SH2D1A: variants seen among roughly 807,000 people sequenced by gnomAD.
SH2D1A encodes SH2 domain containing 1A, also known as SH2 domain-containing protein 1A.
SH2D1A carries 6 observed loss-of-function variants against 10.1 expected under a neutral mutation model. That is an observed-to-expected ratio of 0.60 (90% CI 0.33 to 1.18). SH2D1A has a LOEUF of 1.18. SH2D1A is among the 50% of genes most tolerant of loss of function. The pLI, the probability that SH2D1A is intolerant of heterozygous loss-of-function variation, is 0.04. For synonymous variants in SH2D1A, 42 were observed against 36.9 expected (o/e 1.14, Z -0.51); for missense variants, 51 against 97.6 (o/e 0.52, Z 2.01).
rs766537112 is a variant in SH2D1A, at chrX:124,363,724, T to C, written c.138-2037T>C. 1.3e-4 allele frequency among the ~76,000 whole-genome samples: 14 copies of C among 108,205 alleles called. No homozygotes were observed. In the East Asian group the frequency reaches 3.8e-3, roughly 29 times the overall value. The allele number at this position is 108,205 out of a possible 115,157, so 94.0% of individuals were successfully genotyped here. On this transcript the variant is annotated intron_variant, in intron 1 of 3. Transcript: ENST00000371139. ...GCCTGACCAATATGGTGAAATTCTG[T>C]CTCTACTAAAAATACAAAAATTAGC...
rs2060052675 is a variant in SH2D1A at position 124,365,796 on chromosome X, A to G, written c.173A>G (p.Gln58Arg). 3.4e-6 allele frequency: 4 copies of G among 1,175,392 alleles called. No individual in the cohort carries two copies. The highest frequency in any genetic ancestry group is 4.6e-6 in the Non-Finnish European group (4 of 862,248). The change falls in exon 2 of 4, where the codon CAG (glutamine) becomes CGG (arginine). Residue 58 changes from glutamine (Q) to arginine (R), a missense_variant. Physicochemically the swap from Gln to Arg is conservative, Grantham distance 43. Coordinates refer to ENST00000371139, the MANE Select transcript of SH2D1A (RefSeq NM_002351.5). ...HGYIYTYRVS[Q>R]TETGSWSAET... ...TACATTTATACATACCGAGTGTCCC[A>G]GACAGAAACAGGTTCTTGGAGTGCT...
intron 1 of SH2D1A, among the ~76,000 whole-genome samples, chrX:124,349,510 C>A (rs980200751): frequency 9.0e-6 from 1 of 111,716 alleles, no homozygotes. Flanking sequence ...AGCTGACAAA[C>A]ATGCATTGAT....
chrX:124,350,175 C>G (rs12006960), intron 1 of SH2D1A, among the ~76,000 whole-genome samples: 1 of 57,905 alleles, frequency 1.7e-5, no homozygotes, highest in East Asian at 4.8e-4. Context: ...ATATAAATAT[C>G]TAATATATAT....
At chrX:124,348,821 G>A (rs1362781877) in intron 1 of SH2D1A, among the ~76,000 whole-genome samples, 1 of 112,064 alleles carries the variant, frequency 8.9e-6, no homozygotes, top group Non-Finnish European at 1.9e-5. Flanking sequence ...AACTGTCAAG[G>A]CAAATTCTGT....
chrX:124,364,531 A>C lies in SH2D1A; in HGVS notation c.138-1230A>C, dbSNP rs180684608. 275 of 192,122 alleles carry C rather than the reference A, an allele frequency of 1.4e-3. 2 individuals carry two copies. The highest frequency in any genetic ancestry group is 8.4e-3 in the African/African-American group (260 of 30,943). 15.8% of individuals were successfully genotyped at this position (192,122 alleles called of 1,213,427 possible). Reference sequence around the variant, plus strand: ...GATACAGTTTTTTTTTTTTGAGACAATCTCGCTCCGTCACCCAGGCTGGAG... The same window carrying C: ...GATACAGTTTTTTTTTTTTGAGACACTCTCGCTCCGTCACCCAGGCTGGAG... On this transcript the variant is annotated intron_variant, in intron 1 of 3. Transcript: ENST00000371139.
chrX:124,349,039 A>G (rs777827725), intron 1 of SH2D1A, among the ~76,000 whole-genome samples: 1 of 112,851 alleles, frequency 8.9e-6, no homozygotes, highest in African/African-American at 3.2e-5. Flanking sequence ...GAACCACATG[A>G]GGAATTAACT....
chrX:124,349,668 C>T (rs957400401), intron 1 of SH2D1A, among the ~76,000 whole-genome samples: 1 of 110,927 alleles, frequency 9.0e-6, no homozygotes, highest in African/African-American at 3.3e-5. Context: ...ACTGTACTTT[C>T]AAACGATGCT....
At chrX:124,353,688 T>A (rs1041519649) in intron 1 of SH2D1A, among the ~76,000 whole-genome samples, 4 of 112,108 alleles carry the variant, frequency 3.6e-5, no homozygotes, top group African/African-American at 1.3e-4. Flanking sequence ...AAAAAATAGT[T>A]TATTTCCATA....
intron 1 of SH2D1A, among the ~76,000 whole-genome samples, chrX:124,364,859 C>CA (rs759107963): frequency 2.7e-5 from 3 of 111,538 alleles, no homozygotes; most frequent in Non-Finnish European, 5.6e-5. Flanking sequence ...ACTCACCACT[C>CA]ACTCATTGAC....
intron 1 of SH2D1A, among the ~76,000 whole-genome samples, chrX:124,364,229 A>G (rs2147530165): frequency 9.0e-6 from 1 of 111,017 alleles, no homozygotes; most frequent in African/African-American, 3.3e-5. Flanking sequence ...AGACAGTGAT[A>G]CTGATGATCC....
At chrX:124,368,970 TGAGA>T (rs1480029184) in intron 2 of SH2D1A, among the ~76,000 whole-genome samples, 1 of 111,031 alleles carries the variant, frequency 9.0e-6, no homozygotes, top group Non-Finnish European at 1.9e-5. Context: ...TGGAGCTGGG[TGAGA>T]GAGTGTTCTA....
intron 1 of SH2D1A, among the ~76,000 whole-genome samples, chrX:124,361,907 T>C (rs2060041012): frequency 9.0e-6 from 1 of 111,493 alleles, no homozygotes. Context: ...TTCTGAGCCT[T>C]TATGTATTGC....
At chrX:124,366,559 T>C (rs1164407861) in intron 2 of SH2D1A, among the ~76,000 whole-genome samples, 2 of 111,404 alleles carry the variant, frequency 1.8e-5, no homozygotes, top group African/African-American at 3.3e-5. Context: ...GCATTTAAAA[T>C]TTTCTGAAGT....
rs1415061621 is a variant in SH2D1A, at chrX:124,373,098, CT to C, written c.*1714del. 6.6e-6 allele frequency: 1 copy of C among 151,053 alleles called. No individual in the cohort carries two copies. Among genetic ancestry groups the C allele is most frequent in the Non-Finnish European group, 1.3e-5 (1 of 76,453 alleles). The allele number at this position is 151,053 out of a possible 1,213,427, so 12.4% of individuals were successfully genotyped here. A position where few individuals can be genotyped will look rare whatever the true frequency, so the allele number is the denominator to read the frequency against. On this transcript the variant is annotated 3_prime_UTR_variant, in exon 4 of 4. Coordinates refer to ENST00000371139, the MANE Select transcript of SH2D1A (RefSeq NM_002351.5). ...CCAAGAGCCTTTTTTTGAAAAAAAG[CT>C]TTTTTTGAATCATCAAGTCTTTCAC...
chrX:124,370,190 A>G lies in SH2D1A; in HGVS notation c.216A>G (p.Val72=). 1 of 1,203,794 alleles carries G rather than the reference A, an allele frequency of 8.3e-7. No individual in the cohort carries two copies. The highest frequency in any genetic ancestry group is 1.1e-6 in the Non-Finnish European group (1 of 888,097). The change falls in exon 3 of 4, where the codon GTA becomes GTG. Residue 72 remains valine (V), a synonymous_variant. Coordinates refer to ENST00000371139, the MANE Select transcript of SH2D1A (RefSeq NM_002351.5). ...TTATTTTCCAGACAGCACCTGGGGT[A>G]CATAAAAGATATTTCCGGAAAATAA... ...GSWSAETAPG[V]HKRYFRKIKN... is the part of the protein sequence containing the mutation.
At chrX:124,351,788 C>T (rs2060015719) in intron 1 of SH2D1A, among the ~76,000 whole-genome samples, 2 of 110,722 alleles carry the variant, frequency 1.8e-5, no homozygotes, top group Admixed American at 9.7e-5. Flanking sequence ...TTTAAACACA[C>T]TCTATGTGTA....
At chrX:124,359,203 G>A (rs1008124863) in intron 1 of SH2D1A, among the ~76,000 whole-genome samples, 2 of 111,583 alleles carry the variant, frequency 1.8e-5, no homozygotes, top group African/African-American at 6.5e-5. Context: ...TGGTACTCAG[G>A]TTCCTGCTAC....
At position 124,370,320 on chromosome X, in the gene SH2D1A, G is replaced by C; in HGVS notation, c.346G>C (p.Gly116Arg). 1.7e-6 allele frequency: 2 copies of C among 1,200,631 alleles called. No homozygotes were observed. The change falls in exon 3 of 4, where the codon GGG (glycine) becomes CGG (arginine). Residue 116 changes from glycine to arginine, a missense_variant and splice_region_variant. Transcript: ENST00000371139. ...AGCTAGAAGTACACAAGGTACTACA[G>C]GTATGATTTCCTCTTAATTTTTGAC... ...SSARSTQGTT[G>R]IREDPDVCLK...
intron 1 of SH2D1A, among the ~76,000 whole-genome samples, chrX:124,363,885 T>A (rs1268596037): frequency 2.6e-5 from 1 of 37,901 alleles, no homozygotes; most frequent in African/African-American, 1.1e-4. Context: ...AGCGAGACTC[T>A]ATCTCAAAAA....
Sources: allele counts gnomAD v4.1 joint callset (sites outside exome capture counted in the v4.1 genomes callset), GRCh38; gene constraint gnomAD v4.1.1; transcripts MANE v1.5; gene names NCBI Gene and HGNC (gene_info 2026-07-23, HGNC 2026-07-21).